Variants in THSD7B observed in about 807,000 individuals in gnomAD.
THSD7B encodes the protein thrombospondin type-1 domain-containing protein 7B.
A neutral mutation model predicts 213.6 loss-of-function variants in THSD7B; 138 were observed. The observed-to-expected ratio is 0.65, with a 90% CI of 0.56 to 0.74. THSD7B has a LOEUF of 0.74. Among genes scored for constraint, THSD7B ranks in the 30% least tolerant of loss-of-function variants. The pLI is 0.00. For missense variants in THSD7B, 1,931 were observed against 1,991.5 expected, an observed-to-expected ratio of 0.97 and a Z score of 0.58; for synonymous variants, 742 against 687.0, an observed-to-expected ratio of 1.08 and a Z score of -1.25.
intron 1 of THSD7B, among the ~76,000 whole-genome samples, chr2:136,780,262 C>T (rs1174784889): frequency 2.0e-5 from 3 of 151,360 alleles, no homozygotes; most frequent in South Asian, 2.1e-4. Context: ...AGGAACATTG[C>T]GTCCTCATAT....
chr2:137,375,304 G>A (rs374349282), intron 12 of THSD7B, among the ~76,000 whole-genome samples: 43 of 152,044 alleles, frequency 2.8e-4, no homozygotes, highest in African/African-American at 9.4e-4. Flanking sequence ...ACAAAAAACC[G>A]GAGGTCATTT....
intron 15 of THSD7B, among the ~76,000 whole-genome samples, chr2:137,557,040 A>G (rs1412050102): frequency 6.6e-6 from 1 of 152,206 alleles, no homozygotes; most frequent in Non-Finnish European, 1.5e-5. Context: ...AGATTCACAA[A>G]GCAAGTCCTT....
intron 2 of THSD7B, among the ~76,000 whole-genome samples, chr2:136,938,987 T>C (rs964178515): frequency 6.6e-6 from 1 of 152,162 alleles, no homozygotes; most frequent in Non-Finnish European, 1.5e-5. Context: ...TCGAAAACAG[T>C]AATGGGAAGG....
At position 136,816,979 on chromosome 2, in the gene THSD7B, G is replaced by C. The variant is rs867375422; in HGVS notation, c.-36+51292G>C. Among the ~76,000 whole-genome samples the C allele has an allele frequency of 3.9e-5, 6 of 152,238 alleles. 1 individual carries two copies. Among genetic ancestry groups the C allele is most frequent in the Middle Eastern group, 6.8e-3 (2 of 292 alleles). On this transcript the variant is annotated intron_variant, in intron 1 of 27. Coordinates refer to ENST00000409968, the MANE Select transcript of THSD7B (RefSeq NM_001316349.2). ...TATTAATTCTAAAAGTATTGCAATTGATTCTCTCCATTTGCATTTAGGCAA... is the reference window on the plus strand; with the variant it reads ...TATTAATTCTAAAAGTATTGCAATTCATTCTCTCCATTTGCATTTAGGCAA...
chr2:137,523,060 G>A (rs1472950296), intron 15 of THSD7B, among the ~76,000 whole-genome samples: 1 of 152,188 alleles, frequency 6.6e-6, no homozygotes, highest in Non-Finnish European at 1.5e-5. Context: ...TAAAAATGCT[G>A]CAAGGAGTCA....
intron 12 of THSD7B, among the ~76,000 whole-genome samples, chr2:137,281,799 A>C (rs1467286272): frequency 2.0e-5 from 3 of 152,076 alleles, no homozygotes; most frequent in Non-Finnish European, 4.4e-5. Flanking sequence ...AATCCAGTCT[A>C]TCATTGTTGG....
At chr2:137,616,973 A>G (rs1163055649) in intron 18 of THSD7B, among the ~76,000 whole-genome samples, 1 of 152,222 alleles carries the variant, frequency 6.6e-6, no homozygotes, top group Non-Finnish European at 1.5e-5. Flanking sequence ...ATTGAATTCA[A>G]TACTGACAAC....
intron 7 of THSD7B, among the ~76,000 whole-genome samples, chr2:137,211,350 A>ACACACACACACACACACACAGAGG (rs377696115): frequency 0.011 from 1,541 of 138,856 alleles, 32 homozygotes; most frequent in African/African-American, 0.033. Flanking sequence ...ACACACACAC[A>ACACACACACACACACACACAGAGG]CACACACACA....
chr2:136,811,469 A>G (rs1682375893), intron 1 of THSD7B, among the ~76,000 whole-genome samples: 1 of 152,126 alleles, frequency 6.6e-6, no homozygotes, highest in African/African-American at 2.4e-5. Flanking sequence ...ATCATAGACC[A>G]TGGGTTACTT....
chr2:136,848,338 T>C (rs985522561), intron 1 of THSD7B, among the ~76,000 whole-genome samples: 2 of 152,096 alleles, frequency 1.3e-5, no homozygotes, highest in African/African-American at 2.4e-5. Context: ...TTCTTGGGGT[T>C]TGGGAATTAG....
At chr2:137,219,263 T>G (rs1045548307) in intron 7 of THSD7B, among the ~76,000 whole-genome samples, 3 of 152,136 alleles carry the variant, frequency 2.0e-5, no homozygotes, top group Admixed American at 1.3e-4. Context: ...AGGGAAACAC[T>G]GTGGTTATCC....
intron 2 of THSD7B, among the ~76,000 whole-genome samples, chr2:137,031,622 G>T (rs953587820): frequency 4.6e-5 from 7 of 152,026 alleles, no homozygotes; most frequent in Admixed American, 3.3e-4. Context: ...ATAACAAAAT[G>T]TATTTAACAA....
intron 15 of THSD7B, among the ~76,000 whole-genome samples, chr2:137,489,914 GT>G (rs940212488): frequency 1.5e-4 from 23 of 151,904 alleles, no homozygotes; most frequent in African/African-American, 5.1e-4. Context: ...ACAATGTTCT[GT>G]TTTTTTTGTG....
At chr2:137,023,864 A>G (rs1686493019) in intron 2 of THSD7B, among the ~76,000 whole-genome samples, 1 of 151,976 alleles carries the variant, frequency 6.6e-6, no homozygotes. Flanking sequence ...GAAATAGGAA[A>G]ACAGGATTTC....
At chr2:137,355,488 A>G (rs532572795) in intron 12 of THSD7B, among the ~76,000 whole-genome samples, 8 of 152,306 alleles carry the variant, frequency 5.3e-5, no homozygotes, top group African/African-American at 1.9e-4. Context: ...AAGTTACTCA[A>G]TACAAGATAA....
At chr2:137,487,094 C>T (rs1256431321) in intron 15 of THSD7B, among the ~76,000 whole-genome samples, 4 of 149,544 alleles carry the variant, frequency 2.7e-5, no homozygotes, top group South Asian at 2.1e-4. Context: ...CTAGGCCGGG[C>T]GCGGTGGCTC....
intron 10 of THSD7B, among the ~76,000 whole-genome samples, chr2:137,268,847 A>G (rs1682664523): frequency 6.6e-6 from 1 of 152,128 alleles, no homozygotes; most frequent in Admixed American, 6.6e-5. Context: ...TAAGAAAATC[A>G]TTGACTGCTC....
intron 14 of THSD7B, among the ~76,000 whole-genome samples, chr2:137,413,940 G>C (rs529067843): frequency 1.3e-5 from 2 of 152,224 alleles, no homozygotes; most frequent in African/African-American, 4.8e-5. Flanking sequence ...AAATACAGAA[G>C]TAATTTTAAG....
chr2:136,953,169 C>A (rs1685069713), intron 2 of THSD7B, among the ~76,000 whole-genome samples: 1 of 152,156 alleles, frequency 6.6e-6, no homozygotes, highest in Non-Finnish European at 1.5e-5. Context: ...TCACAGCCTT[C>A]ACTTATAGTT....
Sources: allele counts gnomAD v4.1 joint callset (sites outside exome capture counted in the v4.1 genomes callset), GRCh38; gene constraint gnomAD v4.1.1; transcripts MANE v1.5; gene names NCBI Gene and HGNC (gene_info 2026-07-23, HGNC 2026-07-21).